Variants in ZNF385D observed in about 807,000 individuals in gnomAD.
ZNF385D encodes the protein zinc finger protein 659.
A neutral mutation model predicts 35.8 loss-of-function variants in ZNF385D; 15 were observed. The observed-to-expected ratio is 0.42, with a 90% CI of 0.28 to 0.64. The LOEUF (loss-of-function observed/expected upper bound fraction) is 0.64. Among genes scored for constraint, ZNF385D ranks in the 30% least tolerant of loss-of-function variants. ZNF385D has a pLI of 0.23. For missense variants in ZNF385D, 474 were observed against 494.6 expected (o/e 0.96, Z 0.39); for synonymous variants, 212 against 186.8 (o/e 1.13, Z -1.10).
At chr3:22,012,689 T>A (rs11706720) in intron 3 of ZNF385D, among the ~76,000 whole-genome samples, 48,775 of 151,568 alleles carry the variant, frequency 0.32, 8,068 homozygotes, top group South Asian at 0.42. Flanking sequence ...ATAATGACTA[T>A]TTCTAGTCTT....
chr3:22,285,307 C>A (rs976421808), intron 2 of ZNF385D, among the ~76,000 whole-genome samples: 48 of 152,206 alleles, frequency 3.2e-4, no homozygotes, highest in Admixed American at 1.8e-3. Flanking sequence ...CTTCATGTAT[C>A]CATTTTTTAA....
chr3:22,010,199 G>A (rs961695693), intron 3 of ZNF385D, among the ~76,000 whole-genome samples: 1 of 152,142 alleles, frequency 6.6e-6, no homozygotes, highest in Admixed American at 6.6e-5. Context: ...CTTGGATGAC[G>A]AAACAGGATG....
At chr3:22,289,315 C>T (rs962230787) in intron 2 of ZNF385D, among the ~76,000 whole-genome samples, 6 of 152,138 alleles carry the variant, frequency 3.9e-5, no homozygotes, top group African/African-American at 9.7e-5. Context: ...CAATTCATTA[C>T]GTGCAAGCTG....
chr3:22,223,041 T>C (rs1467989261), intron 2 of ZNF385D, among the ~76,000 whole-genome samples: 2 of 152,160 alleles, frequency 1.3e-5, no homozygotes, highest in Admixed American at 6.5e-5. Context: ...TTTCCATTTT[T>C]TAAAGATATT....
At chr3:21,948,281 G>T (rs1170619057) in intron 3 of ZNF385D, among the ~76,000 whole-genome samples, 1 of 151,358 alleles carries the variant, frequency 6.6e-6, no homozygotes, top group Non-Finnish European at 1.5e-5. Context: ...TCCAATATTG[G>T]CTCTATGACA....
intron 3 of ZNF385D, among the ~76,000 whole-genome samples, chr3:21,522,835 C>T (rs1707999450): frequency 6.6e-6 from 1 of 152,080 alleles, no homozygotes; most frequent in Non-Finnish European, 1.5e-5. Flanking sequence ...TTGTTTTCTG[C>T]CTGGCTATGT....
intron 2 of ZNF385D, among the ~76,000 whole-genome samples, chr3:21,595,968 C>CT (rs1370079109): frequency 6.6e-6 from 1 of 152,198 alleles, no homozygotes; most frequent in Non-Finnish European, 1.5e-5. Flanking sequence ...CTAATGCTTA[C>CT]TTAAGTCTCT....
intron 3 of ZNF385D, among the ~76,000 whole-genome samples, chr3:22,030,081 G>A (rs7653446): frequency 5.0e-4 from 76 of 150,560 alleles, no homozygotes; most frequent in African/African-American, 1.7e-3. Context: ...AGAGTGAGAT[G>A]AGCCTAGCCT....
In ZNF385D at chr3:21,771,641, G is replaced by C. The variant is rs556654504; in HGVS notation, c.326-106613C>G. Reference sequence around the variant, plus strand: ...GTAGAATGTGAATAAAATAGAGATAGCAAGAAGAGCCAAGATGGGTGACTA... The same window carrying C: ...GTAGAATGTGAATAAAATAGAGATACCAAGAAGAGCCAAGATGGGTGACTA... On this transcript the variant is annotated intron_variant, in intron 3 of 5. Coordinates refer to the ZNF385D transcript ENST00000494108. Among the ~76,000 whole-genome samples, 91 of 151,920 alleles carry C rather than the reference G, an allele frequency of 6.0e-4. 2 individuals are homozygous for C. Among genetic ancestry groups the C allele is most frequent in the African/African-American group, 2.0e-3 (84 of 41,504 alleles).
intron 3 of ZNF385D, among the ~76,000 whole-genome samples, chr3:21,864,990 C>CTTTTTTTTTT (rs3073906): frequency 1.8e-5 from 2 of 112,176 alleles, no homozygotes; most frequent in African/African-American, 3.5e-5. Context: ...TGGAACAATG[C>CTTTTTTTTTT]TTTTTTTTTT....
intron 3 of ZNF385D, among the ~76,000 whole-genome samples, chr3:22,125,070 A>G (rs1372337517): frequency 6.6e-6 from 1 of 152,126 alleles, no homozygotes; most frequent in South Asian, 2.1e-4. Context: ...TTAAGCCTAT[A>G]ATCGACTTTA....
At chr3:21,426,621 C>T (rs1051091534) in intron 5 of ZNF385D, among the ~76,000 whole-genome samples, 1 of 151,782 alleles carries the variant, frequency 6.6e-6, no homozygotes, top group Admixed American at 6.6e-5. Context: ...TTCTTTCTGC[C>T]ATTCTGATTT....
At chr3:21,574,189 T>A (rs2063423781) in intron 2 of ZNF385D, among the ~76,000 whole-genome samples, 1 of 152,020 alleles carries the variant, frequency 6.6e-6, no homozygotes, top group Non-Finnish European at 1.5e-5. Context: ...AAGCATAATG[T>A]CACCTATGAG....
At chr3:21,637,534 G>C (rs1190841837) in intron 2 of ZNF385D, among the ~76,000 whole-genome samples, 1 of 152,096 alleles carries the variant, frequency 6.6e-6, no homozygotes, top group East Asian at 1.9e-4. Context: ...TTTGAAGTCA[G>C]GTAATGTGAT....
rs199524552 is a variant in ZNF385D, at chr3:21,496,532, TATATATC to T, written c.439+14322_439+14328del. The stretch of plus-strand genomic sequence containing the variant: ...TATATATATACACATATATTTGATA[TATATATC>T]ATATATATATACACACATATATTTG... On this transcript the variant is annotated intron_variant, in intron 4 of 7. Transcript: ENST00000281523. Among the ~76,000 whole-genome samples the T allele has an allele frequency of 3.1e-3, 388 of 124,656 alleles. 2 individuals carry two copies. The highest frequency in any genetic ancestry group is 9.9e-3 in the African/African-American group (347 of 34,930). 81.8% of individuals were successfully genotyped at this position (124,656 alleles called of 152,430 possible).
intron 1 of ZNF385D, among the ~76,000 whole-genome samples, chr3:21,714,310 A>C (rs574144153): frequency 2.6e-5 from 4 of 152,076 alleles, no homozygotes; most frequent in African/African-American, 9.7e-5. Context: ...AAGTTATTTC[A>C]TAAGTCTTTT....
At chr3:21,905,792 G>A in intron 3 of ZNF385D, among the ~76,000 whole-genome samples, 1 of 151,926 alleles carries the variant, frequency 6.6e-6, no homozygotes, top group East Asian at 1.9e-4. Flanking sequence ...TTGTCTGATA[G>A]AGGCAGAAAT....
chr3:21,496,190 C>T (rs1705828524), intron 4 of ZNF385D, among the ~76,000 whole-genome samples: 1 of 151,130 alleles, frequency 6.6e-6, no homozygotes, highest in African/African-American at 2.4e-5. Context: ...TTCTCCCCAA[C>T]TCATTCTATG....
At chr3:22,139,731 G>A (rs553730431) in intron 3 of ZNF385D, among the ~76,000 whole-genome samples, 4 of 151,952 alleles carry the variant, frequency 2.6e-5, no homozygotes, top group African/African-American at 7.2e-5. Context: ...AAACCTGCAC[G>A]TTATGCACAT....
Sources: gnomAD v4.1 joint callset for allele counts (sites outside exome capture counted in the v4.1 genomes callset) on GRCh38, gnomAD v4.1.1 for gene constraint, MANE v1.5 for transcripts, NCBI Gene and HGNC (gene_info 2026-07-23, HGNC 2026-07-21) for gene names.